MAPRE3: variants seen among roughly 807,000 people sequenced by gnomAD.
MAPRE3 encodes the protein microtubule associated protein RP/EB family member 3.
MAPRE3 carries 2 observed loss-of-function variants against 30.5 expected under a neutral mutation model. The ratio of observed to expected loss-of-function variants is 0.07; its 90% CI spans 0.03 to 0.21. MAPRE3 has a LOEUF of 0.21. Ranked by LOEUF, MAPRE3 falls within the 10% of genes least tolerant of loss-of-function variation. MAPRE3 has a pLI of 1.00. For missense variants in MAPRE3, 204 were observed against 351.8 expected (o/e 0.58, Z 3.36); for synonymous variants, 110 against 127.7 (o/e 0.86, Z 0.93).
chr2:26,995,015 T>C (rs1355763621), intron 1 of MAPRE3, among the ~76,000 whole-genome samples: 6 of 152,098 alleles, frequency 3.9e-5, no homozygotes, highest in African/African-American at 1.2e-4. Flanking sequence ...TTTGTTGTTG[T>C]TGTTGCTCAA....
chr2:27,016,374 G>T (rs1666985294), intron 1 of MAPRE3, among the ~76,000 whole-genome samples: 1 of 149,930 alleles, frequency 6.7e-6, no homozygotes. Flanking sequence ...GTTTCGTCAG[G>T]TTATGTCTTT....
chr2:27,025,516 C>G (rs1667217335), intron 4 of MAPRE3, 67 bp from the exon 5 acceptor site: 1 of 1,490,142 alleles, frequency 6.7e-7, no homozygotes, highest in Non-Finnish European at 9.0e-7. Context: ...GTCCTCACAC[C>G]AGGCTGTCTC....
chr2:27,016,724 A>C (rs1347476311), intron 1 of MAPRE3, among the ~76,000 whole-genome samples: 1 of 152,148 alleles, frequency 6.6e-6, no homozygotes, highest in Non-Finnish European at 1.5e-5. Flanking sequence ...TGGTCCACTT[A>C]GACCCTGATG....
chr2:26,981,569 C>T (rs769405232), intron 1 of MAPRE3, among the ~76,000 whole-genome samples: 2 of 152,194 alleles, frequency 1.3e-5, no homozygotes, highest in East Asian at 1.9e-4. Context: ...CTAACACAGA[C>T]GTGTAACCAC....
intron 1 of MAPRE3, among the ~76,000 whole-genome samples, chr2:26,984,184 G>T (rs1211508492): frequency 6.6e-6 from 1 of 152,180 alleles, no homozygotes; most frequent in Admixed American, 6.5e-5. Flanking sequence ...AGAGTGTTAT[G>T]TGTTTAATGC....
intron 1 of MAPRE3, among the ~76,000 whole-genome samples, chr2:26,976,835 C>T (rs1161426686): frequency 6.6e-6 from 1 of 152,108 alleles, no homozygotes; most frequent in Non-Finnish European, 1.5e-5. Flanking sequence ...TATAAAAAAG[C>T]TTAAAAGGAT....
intron 1 of MAPRE3, among the ~76,000 whole-genome samples, chr2:26,978,257 A>G (rs1399221555): frequency 2.0e-5 from 3 of 152,226 alleles, no homozygotes; most frequent in Non-Finnish European, 4.4e-5. Context: ...CAGCAAGATC[A>G]TAGTTGGGTC....
intron 1 of MAPRE3, among the ~76,000 whole-genome samples, chr2:27,008,876 G>T (rs538316692): frequency 6.6e-6 from 1 of 152,302 alleles, no homozygotes; most frequent in South Asian, 2.1e-4. Context: ...CAGCAATAAA[G>T]AGGAACCATT....
intron 1 of MAPRE3, among the ~76,000 whole-genome samples, chr2:27,021,516 G>A (rs1034632052): frequency 1.3e-5 from 2 of 152,190 alleles, no homozygotes; most frequent in African/African-American, 2.4e-5. Context: ...GTCTGAAGTC[G>A]GAGCAGAGGC....
intron 1 of MAPRE3, among the ~76,000 whole-genome samples, chr2:26,998,528 G>A (rs927725842): frequency 1.3e-5 from 2 of 152,184 alleles, no homozygotes; most frequent in African/African-American, 4.8e-5. Context: ...CCTTGAGCAT[G>A]TTACCTAAGC....
At chr2:26,973,532 G>A (rs1301920505) in intron 1 of MAPRE3, among the ~76,000 whole-genome samples, 4 of 150,442 alleles carry the variant, frequency 2.7e-5, no homozygotes, top group Admixed American at 1.3e-4. Context: ...GTCAGAAGCC[G>A]AACAGAAAAT....
intron 1 of MAPRE3, among the ~76,000 whole-genome samples, chr2:27,007,486 G>A (rs933401053): frequency 2.0e-5 from 3 of 152,170 alleles, no homozygotes; most frequent in Non-Finnish European, 2.9e-5. Flanking sequence ...TCTGCATAAC[G>A]AACTTTATTT....
chr2:26,992,512 A>G (rs1163387936), intron 1 of MAPRE3, among the ~76,000 whole-genome samples: 2 of 150,984 alleles, frequency 1.3e-5, no homozygotes, highest in African/African-American at 4.9e-5. Context: ...GGCATGAACC[A>G]CTGCACCCGG....
chr2:26,982,948 AT>A (rs1256374100), intron 1 of MAPRE3, among the ~76,000 whole-genome samples: 3 of 152,226 alleles, frequency 2.0e-5, no homozygotes, highest in Non-Finnish European at 4.4e-5. Flanking sequence ...AGCAAAAGCA[AT>A]GTTTTGGACT....
In MAPRE3 at chr2:26,979,780, T is replaced by C. The variant is rs557285112; in HGVS notation, c.-8+8978T>C. The stretch of plus-strand genomic sequence containing the variant: ...GCCTTACCAGACTGAGGATGTGTGC[T>C]GGTTTTGAGTTTGGAGAATATTGGT... On this transcript the variant is annotated intron_variant, in intron 1 of 6. Transcript: ENST00000233121. 3.2e-3 allele frequency among the ~76,000 whole-genome samples: 485 copies of C among 152,348 alleles called. 6 individuals carry two copies. The highest frequency in any genetic ancestry group is 0.017 in the South Asian group (84 of 4,828).
intron 1 of MAPRE3, among the ~76,000 whole-genome samples, chr2:26,995,186 G>A (rs1038342894): frequency 1.1e-4 from 17 of 152,192 alleles, no homozygotes; most frequent in Admixed American, 5.9e-4. Context: ...ATGAATGGGT[G>A]TGGTTGTGTT....
chr2:27,024,433 G>A (rs944814891), intron 4 of MAPRE3, 136 bp downstream of exon 4: 18 of 762,910 alleles, frequency 2.4e-5, no homozygotes, highest in Admixed American at 1.5e-4. Flanking sequence ...GGATGACGCC[G>A]CCTGCTGGCC....
chr2:27,014,115 A>G (rs1383265039), intron 1 of MAPRE3: 1 of 152,228 alleles, frequency 6.6e-6, no homozygotes, highest in Admixed American at 6.5e-5. Context: ...TGTTTGAGGA[A>G]CTGAAAGATC....
intron 1 of MAPRE3, among the ~76,000 whole-genome samples, chr2:26,999,515 T>G (rs1315533477): frequency 5.0e-5 from 4 of 79,796 alleles, no homozygotes; most frequent in African/African-American, 1.6e-4. Context: ...TTTTTTTTTT[T>G]GGGATGGAGT....
Sources: allele counts gnomAD v4.1 joint callset (sites outside exome capture counted in the v4.1 genomes callset), GRCh38; gene constraint gnomAD v4.1.1; transcripts MANE v1.5; gene names NCBI Gene and HGNC (gene_info 2026-07-23, HGNC 2026-07-21).